The following GCLC variants were observed in gnomAD, a reference collection of about 807,000 sequenced individuals.
GCLC encodes glutamate--cysteine ligase catalytic subunit.
GCLC carries 30 observed loss-of-function variants against 81.5 expected under a neutral mutation model. That is an observed-to-expected ratio of 0.37 (90% CI 0.28 to 0.50). The LOEUF (loss-of-function observed/expected upper bound fraction) is 0.50, where lower values mean the gene tolerates loss of function less well. Among genes scored for constraint, GCLC ranks in the 20% least tolerant of loss-of-function variants. The pLI, the probability that GCLC is intolerant of heterozygous loss-of-function variation, is 0.96. For synonymous variants in GCLC, 262 were observed against 273.3 expected (o/e 0.96, Z 0.41); for missense variants, 556 against 777.4 (o/e 0.72, Z 3.39).
Position 53,508,712 on chromosome 6 carries a change from C to G in GCLC, c.829-1G>C. Reference sequence around the variant, plus strand: ...AGGGAGATGCAGCACTCAAAGCCATCTAAAAACAAACAAAAGTCAGCTCCT... The same window carrying G: ...AGGGAGATGCAGCACTCAAAGCCATGTAAAAACAAACAAAAGTCAGCTCCT... On this transcript the variant is annotated splice_acceptor_variant, in intron 7 of 15. Coordinates refer to ENST00000650454, the MANE Select transcript of GCLC (RefSeq NM_001498.4). LOFTEE classifies it high-confidence loss of function. The G allele has an allele frequency of 6.2e-7, 1 of 1,605,016 alleles. No individual in the cohort carries two copies. Among genetic ancestry groups the G allele is most frequent in the Non-Finnish European group, 8.5e-7 (1 of 1,171,758 alleles).
At chr6:53,519,468 T>C (rs1762947086) in intron 3 of GCLC, among the ~76,000 whole-genome samples, 1 of 149,236 alleles carries the variant, frequency 6.7e-6, no homozygotes, top group African/African-American at 2.5e-5. Flanking sequence ...GTTGTACTCT[T>C]TGCTCCCCAT....
At chr6:53,505,286 G>T in intron 12 of GCLC, 106 bp downstream of exon 12, 1 of 709,630 alleles carries the variant, frequency 1.4e-6, no homozygotes, top group South Asian at 1.6e-5. Context: ...TTATTGCAAA[G>T]GGTAAACAAT....
chr6:53,515,944 C>T (rs191210865), intron 4 of GCLC, among the ~76,000 whole-genome samples, 165 bp downstream of exon 4: 9 of 152,262 alleles, frequency 5.9e-5, no homozygotes, highest in Non-Finnish European at 1.2e-4. Context: ...CCTGGGGGTA[C>T]TGAAGATGTG....
chr6:53,526,445 T>G (rs184468016), intron 1 of GCLC, among the ~76,000 whole-genome samples: 18 of 152,348 alleles, frequency 1.2e-4, no homozygotes, highest in African/African-American at 4.1e-4. Flanking sequence ...TTTCTTTTCT[T>G]GCTTTTAAAA....
chr6:53,520,833 C>T lies in GCLC; in HGVS notation c.391G>A (p.Ala131Thr), dbSNP rs1762979425. The T allele has an allele frequency of 6.2e-7, 1 of 1,614,078 alleles. No individual in the cohort carries two copies. Among genetic ancestry groups the T allele is most frequent in the East Asian group, 2.2e-5 (1 of 44,876 alleles). The change falls in exon 3 of 16, where the codon GCT becomes ACT. Residue 131 changes from alanine (A) to threonine (T), a missense_variant. Physicochemically the swap from Ala to Thr is moderately conservative, Grantham distance 58 (BLOSUM62 0). Around this residue, in one of 3 missense-constraint regions of GCLC, gnomAD observed 234 missense variants for 303.8 expected, o/e 0.77. Coordinates refer to ENST00000650454, the MANE Select transcript of GCLC (RefSeq NM_001498.4). The stretch of plus-strand genomic sequence containing the variant: ...TGATTTTCTTCTAATATAGAAGTAG[C>T]CTCCTTCCGGCGTTTTCGCATGTTG... ...EANMRKRRKE[A>T]TSILEENQAL...
At chr6:53,544,288 CAAGA>C (rs1436845469) in intron 1 of GCLC, among the ~76,000 whole-genome samples, 2 of 152,180 alleles carry the variant, frequency 1.3e-5, no homozygotes, top group Non-Finnish European at 2.9e-5. Context: ...AATGAATGAA[CAAGA>C]AAGGAGTCTA....
intron 4 of GCLC, among the ~76,000 whole-genome samples, chr6:53,515,450 C>T (rs1038494674): frequency 6.6e-6 from 1 of 152,248 alleles, no homozygotes; most frequent in Non-Finnish European, 1.5e-5. Context: ...AAATATCTGT[C>T]TTCCCCAAAA....
chr6:53,520,491 C>T (rs1377114329), intron 3 of GCLC, among the ~76,000 whole-genome samples: 2 of 152,190 alleles, frequency 1.3e-5, no homozygotes, highest in Non-Finnish European at 2.9e-5. Context: ...CCCTCGCCTG[C>T]GGCAGACACG....
intron 2 of GCLC, among the ~76,000 whole-genome samples, chr6:53,521,890 C>T (rs377595606): frequency 2.0e-5 from 3 of 152,144 alleles, no homozygotes; most frequent in African/African-American, 2.4e-5. Context: ...AGGAGAATGG[C>T]GTGAAGCCAG....
At chr6:53,500,674 A>T (rs1764494040) in intron 12 of GCLC, 161 bp from the exon 13 acceptor site, 1 of 659,352 alleles carries the variant, frequency 1.5e-6, no homozygotes, top group Non-Finnish European at 2.7e-6. Flanking sequence ...TATTTATGTG[A>T]GGACTGTATC....
At chr6:53,541,785 T>G (rs1373923490) in intron 1 of GCLC, among the ~76,000 whole-genome samples, 1 of 152,188 alleles carries the variant, frequency 6.6e-6, no homozygotes, top group Non-Finnish European at 1.5e-5. Context: ...GAACAAGAAA[T>G]GTGAAGGTAT....
At chr6:53,515,575 T>C (rs1581736328) in intron 4 of GCLC, among the ~76,000 whole-genome samples, 1 of 152,198 alleles carries the variant, frequency 6.6e-6, no homozygotes, top group African/African-American at 2.4e-5. Flanking sequence ...GCATGCATTG[T>C]ACAAAGCTAA....
rs1764439734 is a variant in GCLC at position 53,498,911 on chromosome 6, A to G, written c.1759T>C (p.Tyr587His). The change falls in exon 16 of 16, where the codon TAC (tyrosine) becomes CAC (histidine). Residue 587 changes from tyrosine to histidine, a missense_variant. By Grantham distance (83) the Tyr-to-His change is moderately conservative. This residue lies in a region of GCLC where 313 missense variants were observed against 437.3 expected (regional missense o/e 0.72). Transcript: ENST00000650454. ...TCAGTTATGACACTGTCTTGCTTGT[A>G]GTCAGGATGGTTTGCGATAAACTCC... ...MREFIANHPD[Y>H]KQDSVITDEM... 1 of 1,613,708 alleles carries G rather than the reference A, an allele frequency of 6.2e-7. No homozygotes were observed. Among genetic ancestry groups the G allele is most frequent in the Non-Finnish European group, 8.5e-7 (1 of 1,179,630 alleles).
intron 3 of GCLC, 68 bp downstream of exon 3, chr6:53,520,710 G>C: frequency 7.5e-7 from 1 of 1,327,272 alleles, no homozygotes; most frequent in East Asian, 2.3e-5. Context: ...TGCCCGGGTC[G>C]TGACTTGCTC....
intron 1 of GCLC, among the ~76,000 whole-genome samples, chr6:53,538,151 T>C (rs1467253120): frequency 1.4e-5 from 2 of 140,366 alleles, no homozygotes; most frequent in Non-Finnish European, 3.1e-5. Context: ...TTTTTTTTTT[T>C]TTTTTTTTTT....
chr6:53,500,818 T>C (rs1399797571), intron 12 of GCLC: 6 of 433,712 alleles, frequency 1.4e-5, no homozygotes, highest in Non-Finnish European at 8.5e-6. Context: ...GCAACAGATA[T>C]ACAGTGTTGG....
At chr6:53,519,222 G>A (rs965811766) in intron 3 of GCLC, among the ~76,000 whole-genome samples, 1 of 152,200 alleles carries the variant, frequency 6.6e-6, no homozygotes, top group Non-Finnish European at 1.5e-5. Context: ...TTACCTGCCA[G>A]CTTCCCTTTA....
chr6:53,541,439 C>A (rs1338013678), intron 1 of GCLC, among the ~76,000 whole-genome samples: 1 of 152,178 alleles, frequency 6.6e-6, no homozygotes, highest in Non-Finnish European at 1.5e-5. Context: ...GTCAACACTT[C>A]AGGGCAGGAA....
At chr6:53,537,126 C>T (rs1242283939) in intron 1 of GCLC, among the ~76,000 whole-genome samples, 2 of 152,150 alleles carry the variant, frequency 1.3e-5, no homozygotes, top group East Asian at 1.9e-4. Context: ...CCTTTCTCCC[C>T]TTCATCTAAT....
Sources: gnomAD v4.1 joint callset for allele counts (sites outside exome capture counted in the v4.1 genomes callset) on GRCh38, gnomAD v4.1.1 for gene constraint, gnomAD v4.1.1 regional missense constraint, MANE v1.5 for transcripts, NCBI Gene and HGNC (gene_info 2026-07-23, HGNC 2026-07-21) for gene names.